Variants in C15orf39 observed in about 807,000 individuals in gnomAD.
C15orf39 encodes the protein uncharacterized protein C15orf39.
Under a neutral mutation model 53.9 loss-of-function variants are expected in C15orf39, and 24 were observed. That is an observed-to-expected ratio of 0.45 (90% CI 0.32 to 0.63). The LOEUF is 0.63. Among genes scored for constraint, C15orf39 ranks in the 20% least tolerant of loss-of-function variants. The probability of loss-of-function intolerance (pLI) is 0.04; values close to 1 mark genes in which losing one functional copy is unlikely to be tolerated. For missense variants in C15orf39, 1,271 were observed against 1,347.9 expected (o/e 0.94, Z 0.89); for synonymous variants, 569 against 576.5 (o/e 0.99, Z 0.19).
chr15:75,207,359 A>G lies in C15orf39; in HGVS notation c.1311A>G (p.Glu437=). 5 of 1,613,430 alleles carry G rather than the reference A, an allele frequency of 3.1e-6. No individual in the cohort carries two copies. Among genetic ancestry groups the G allele is most frequent in the Non-Finnish European group, 4.2e-6 (5 of 1,180,020 alleles). ...CTGTGAGGCCTGCACAGGAAGCCGA[A>G]GAGAAGACCTGGCTGCCCAGCTGCA... The part of the protein sequence containing the change: ...SEPVRPAQEA[E]EKTWLPSCRK... The change falls in exon 2 of 3, where the codon GAA becomes GAG. Residue 437 remains glutamate, a synonymous_variant. Transcript: ENST00000394987.
At position 75,211,014 on chromosome 15, in the gene C15orf39, G is replaced by T. The variant is rs367787051; in HGVS notation, c.3042G>T (p.Trp1014Cys). 5 of 1,611,284 alleles carry T rather than the reference G, an allele frequency of 3.1e-6. No individual in the cohort carries two copies. The African/African-American group carries it at 5.3e-5, about 17-fold the overall frequency. The stretch of plus-strand genomic sequence containing the variant: ...TCCGCAGTCTGCTGGAGACCGCCTG[G>T]CTCAATGGCCTGGCTCTGCCCACCT... ...ARFRSLLETA[W>C]LNGLALPTWG... Residue 1014 changes from tryptophan to cysteine, a missense_variant, in exon 3 of 3, where the codon TGG becomes TGT. This residue lies in a region of C15orf39 where 277 missense variants were observed against 354.1 expected (regional missense o/e 0.78). Coordinates refer to ENST00000394987, the MANE Select transcript of C15orf39 (RefSeq NM_015492.5).
Position 75,206,349 on chromosome 15 carries a change from C to T in C15orf39, c.301C>T (p.Pro101Ser), listed in dbSNP as rs772245072. Residue 101 changes from proline (P) to serine (S), a missense_variant, in exon 2 of 3, where the codon CCT becomes TCT. Pro to Ser is a moderately conservative substitution (Grantham distance 74, BLOSUM62 -1). Transcript: ENST00000394987. ...CLFYRSPAEG[P>S]EKMQDSSPVE... Reference sequence around the variant, plus strand: ...GTTCTACCGCTCGCCAGCAGAAGGCCCTGAGAAGATGCAGGACTCCAGCCC... The same window carrying T: ...GTTCTACCGCTCGCCAGCAGAAGGCTCTGAGAAGATGCAGGACTCCAGCCC... 1.2e-6 allele frequency: 2 copies of T among 1,614,082 alleles called. No individual in the cohort carries two copies. The highest frequency in any genetic ancestry group is 2.2e-5 in the East Asian group (1 of 44,884).
At chr15:75,201,656 G>A (rs1308374697), upstream of C15orf39, among the ~76,000 whole-genome samples, 4 of 152,370 alleles carry the variant, frequency 2.6e-5, no homozygotes, top group East Asian at 7.7e-4. The surrounding 1 kb of genome is among the most constrained non-coding windows in gnomAD (Gnocchi z 4.7). Flanking sequence ...CTAAGGGAGC[G>A]ACTGAGGGCG....
In C15orf39 at chr15:75,207,043, C is replaced by T. The variant is rs1254877885; in HGVS notation, c.995C>T (p.Ala332Val). Residue 332 changes from alanine to valine, a missense_variant, in exon 2 of 3, where the codon GCA becomes GTA. This residue lies in a region of C15orf39 where 994 missense variants were observed against 993.7 expected (regional missense o/e 1.00). Coordinates refer to ENST00000394987, the MANE Select transcript of C15orf39 (RefSeq NM_015492.5). ...TACCTGAGGCAGCAGGCAGCCCAGGCACCTTACATTCCCCCACTGGGGCTG... is the reference window on the plus strand; with the variant it reads ...TACCTGAGGCAGCAGGCAGCCCAGGTACCTTACATTCCCCCACTGGGGCTG... ...SPYLRQQAAQAPYIPPLGLDA... is the reference protein window; with the variant it reads ...SPYLRQQAAQVPYIPPLGLDA... The T allele has an allele frequency of 1.2e-6, 2 of 1,608,712 alleles. No homozygotes were observed. Among genetic ancestry groups the T allele is most frequent in the Admixed American group, 3.3e-5 (2 of 59,766 alleles).
At chr15:75,209,002 C>G (rs762068409) in intron 2 of C15orf39, 178 bp downstream of exon 2, 2 of 1,079,776 alleles carry the variant, frequency 1.9e-6, no homozygotes, top group African/African-American at 3.2e-5. Flanking sequence ...AATCAGTGAG[C>G]ACCTTCATAG....
intron 1 of C15orf39, among the ~76,000 whole-genome samples, chr15:75,204,336 G>A (rs192780089): frequency 6.6e-6 from 1 of 152,220 alleles, no homozygotes; most frequent in African/African-American, 2.4e-5. Flanking sequence ...GCCCTGAGGG[G>A]CCTCAGTCCC....
In C15orf39 at chr15:75,206,324, G is replaced by C; in HGVS notation, c.276G>C (p.Leu92=). 1.2e-6 allele frequency: 2 copies of C among 1,614,054 alleles called. No individual in the cohort carries two copies. Among genetic ancestry groups the C allele is most frequent in the Admixed American group, 1.7e-5 (1 of 60,002 alleles). ...CAGACAACCTGCTGACCAACTGCCT[G>C]TTCTACCGCTCGCCAGCAGAAGGCC... ...LQADNLLTNC[L]FYRSPAEGPE... The change falls in exon 2 of 3, where the codon CTG becomes CTC. Residue 92 remains leucine (L), a synonymous_variant. Transcript: ENST00000394987.
In C15orf39 at chr15:75,208,432, A is replaced by C; in HGVS notation, c.2384A>C (p.Glu795Ala). Residue 795 changes from glutamate (E) to alanine (A), a missense_variant, in exon 2 of 3, where the codon GAG becomes GCG. Transcript: ENST00000394987. ...SPPEKLREWLETAGPWGQAAW... is the reference protein window; with the variant it reads ...SPPEKLREWLATAGPWGQAAW... The stretch of plus-strand genomic sequence containing the variant: ...CCAGAGAAGCTTCGCGAGTGGCTAG[A>C]GACGGCTGGGCCCTGGGGCCAGGCT... 6.2e-7 allele frequency: 1 copy of C among 1,605,890 alleles called. No homozygotes were observed. Among genetic ancestry groups the C allele is most frequent in the Non-Finnish European group, 8.5e-7 (1 of 1,178,612 alleles).
Position 75,210,963 on chromosome 15 carries a change from AC to A in C15orf39, c.2993del (p.Pro998LeufsTer5). On this transcript the variant is annotated frameshift_variant, in exon 3 of 3. Transcript: ENST00000394987. LOFTEE classifies it high-confidence loss of function. Reference protein sequence around the residue: ...SPTPATSASPPGPTLKARFRS... With the variant: ...SPTPATSASPXGPTLKARFRS... ...CTACCCCTGCTACCAGTGCCAGCCC[AC>A]CTGGCCCCACACTGAAGGCCCGCTT... 1 of 1,613,320 alleles carries A rather than the reference AC, an allele frequency of 6.2e-7. No homozygotes were observed. Among genetic ancestry groups the A allele is most frequent in the Non-Finnish European group, 8.5e-7 (1 of 1,179,996 alleles).
upstream of C15orf39, among the ~76,000 whole-genome samples, chr15:75,201,526 A>G (rs2070400781): frequency 6.6e-6 from 1 of 152,184 alleles, no homozygotes; most frequent in Non-Finnish European, 1.5e-5. The surrounding 1 kb of genome is among the most constrained non-coding windows in gnomAD (Gnocchi z 4.7). Flanking sequence ...TTCCAAGCTT[A>G]CACCGCCACC....
intron 2 of C15orf39, 66 bp downstream of exon 2, chr15:75,208,890 G>T (rs2070463500): frequency 7.9e-6 from 12 of 1,526,800 alleles, no homozygotes; most frequent in Non-Finnish European, 1.1e-5. Flanking sequence ...TGTGTGCTGT[G>T]TGAGTGCGTC....
rs2070451331 is a variant in C15orf39 at position 75,207,691 on chromosome 15, G to A, written c.1643G>A (p.Cys548Tyr). The A allele has an allele frequency of 6.2e-7, 1 of 1,605,994 alleles. No individual in the cohort carries two copies. Among genetic ancestry groups the A allele is most frequent in the African/African-American group, 1.3e-5 (1 of 74,798 alleles). ...ACCAGTGAAGGTCAGGACAAAGGCT[G>A]CAGGGGGACCCTGCCTGCCCAGGAG... ...PATSEGQDKG[C>Y]RGTLPAQEGP... The change falls in exon 2 of 3, where the codon TGC (cysteine) becomes TAC (tyrosine). Residue 548 changes from cysteine to tyrosine, a missense_variant. Around this residue, in one of 2 missense-constraint regions of C15orf39, gnomAD observed 994 missense variants for 993.7 expected, o/e 1.00. Transcript: ENST00000394987.
intron 2 of C15orf39, 93 bp downstream of exon 2, chr15:75,208,917 G>A (rs567990233): frequency 1.1e-5 from 16 of 1,488,440 alleles, no homozygotes; most frequent in South Asian, 1.3e-5. Context: ...GGGGCTGAGT[G>A]ATTCCAAGGA....
At position 75,210,910 on chromosome 15, in the gene C15orf39, G is replaced by A; in HGVS notation, c.2938G>A (p.Ala980Thr). 2 of 1,613,620 alleles carry A rather than the reference G, an allele frequency of 1.2e-6. No individual in the cohort carries two copies. The highest frequency in any genetic ancestry group is 1.7e-6 in the Non-Finnish European group (2 of 1,179,972). The part of the protein sequence containing the change: ...TPGPEKAEAA[A>T]GEESCGASPT... Reference sequence around the variant, plus strand: ...TGGCCCGGAGAAAGCAGAGGCAGCTGCTGGGGAAGAGTCCTGTGGTGCCTC... The same window carrying A: ...TGGCCCGGAGAAAGCAGAGGCAGCTACTGGGGAAGAGTCCTGTGGTGCCTC... Residue 980 changes from alanine to threonine, a missense_variant, in exon 3 of 3, where the codon GCT becomes ACT. Ala to Thr is a moderately conservative substitution (Grantham distance 58). Around this residue, in one of 2 missense-constraint regions of C15orf39, gnomAD observed 277 missense variants for 354.1 expected, o/e 0.78. Transcript: ENST00000394987.
chr15:75,199,775 CT>C (rs1198127812), upstream of C15orf39, among the ~76,000 whole-genome samples: 2 of 152,258 alleles, frequency 1.3e-5, no homozygotes, highest in East Asian at 1.9e-4. Context: ...ACACTACTTT[CT>C]TTTTCTGTGT....
At chr15:75,202,983 C>G (rs1051430534) in intron 1 of C15orf39, among the ~76,000 whole-genome samples, 1 of 152,218 alleles carries the variant, frequency 6.6e-6, no homozygotes, top group Non-Finnish European at 1.5e-5. Context: ...AGAGACCGAT[C>G]CCGTTCGCTT....
At position 75,211,054 on chromosome 15, in the gene C15orf39, T is replaced by A. The variant is rs2070480169; in HGVS notation, c.3082T>A (p.Ser1028Thr). Residue 1028 changes from serine to threonine, a missense_variant, in exon 3 of 3, where the codon TCA becomes ACA. Physicochemically the swap from Ser to Thr is moderately conservative, Grantham distance 58 (BLOSUM62 1). This residue lies in a region of C15orf39 where 277 missense variants were observed against 354.1 expected (regional missense o/e 0.78). Coordinates refer to ENST00000394987, the MANE Select transcript of C15orf39 (RefSeq NM_015492.5). ...TCTGCCCACCTGGGGCCACAAGTCC[T>A]CAAGACCAGACCAGCCCTCACCCTG... ...LALPTWGHKS[S>T]RPDQPSPCPQ... 2 of 1,605,860 alleles carry A rather than the reference T, an allele frequency of 1.2e-6. No homozygotes were observed. Among genetic ancestry groups the A allele is most frequent in the Non-Finnish European group, 8.5e-7 (1 of 1,179,972 alleles).
chr15:75,200,386 A>G (rs1200812033), upstream of C15orf39, among the ~76,000 whole-genome samples: 4 of 152,146 alleles, frequency 2.6e-5, no homozygotes, highest in Non-Finnish European at 5.9e-5. Flanking sequence ...GGGAAATTGG[A>G]GAGACCACTG....
chr15:75,204,700 G>A (rs1215435423), intron 1 of C15orf39, among the ~76,000 whole-genome samples: 2 of 152,196 alleles, frequency 1.3e-5, no homozygotes, highest in Non-Finnish European at 2.9e-5. Flanking sequence ...AGTAGAGACA[G>A]CGTTTCACCA....
Sources: allele counts gnomAD v4.1 joint callset (sites outside exome capture counted in the v4.1 genomes callset), GRCh38; gene constraint gnomAD v4.1.1; regional missense constraint gnomAD v4.1.1; non-coding constraint Gnocchi (gnomAD v3.1); transcripts MANE v1.5; gene names NCBI Gene and HGNC (gene_info 2026-07-23, HGNC 2026-07-21).